Variants in UBA3 observed in about 807,000 individuals in gnomAD.
The protein encoded by UBA3 is ubiquitin like modifier activating enzyme 3.
UBA3 carries 26 observed loss-of-function variants against 73.5 expected under a neutral mutation model. The observed-to-expected ratio is 0.35, with a 90% CI of 0.26 to 0.49. The LOEUF (loss-of-function observed/expected upper bound fraction) is 0.49, where lower values mean the gene tolerates loss of function less well. UBA3 is among the 20% of genes least tolerant of loss of function. The probability of loss-of-function intolerance (pLI) is 0.98; values close to 1 mark genes in which losing one functional copy is unlikely to be tolerated. For missense variants in UBA3, 495 were observed against 555.6 expected, an observed-to-expected ratio of 0.89 and a Z score of 1.10; for synonymous variants, 217 against 191.2, an observed-to-expected ratio of 1.13 and a Z score of -1.11.
chr3:69,058,636 T>C (rs1324170378), intron 11 of UBA3, among the ~76,000 whole-genome samples: 1 of 152,136 alleles, frequency 6.6e-6, no homozygotes, highest in Admixed American at 6.6e-5. Context: ...GAGGAAGTGG[T>C]AGACACAAAC....
At position 69,062,138 on chromosome 3, in the gene UBA3, T is replaced by A; in HGVS notation, c.735A>T (p.Leu245=). 6.2e-7 allele frequency: 1 copy of A among 1,613,802 alleles called. No individual in the cohort carries two copies. The highest frequency in any genetic ancestry group is 8.5e-7 in the Non-Finnish European group (1 of 1,179,790). The change falls in exon 10 of 18, where the codon CTA becomes CTT. Residue 245 remains leucine (L), a synonymous_variant. Coordinates refer to ENST00000361055, the MANE Select transcript of UBA3 (RefSeq NM_003968.4). ...PMCTIASMPR[L]PEHCIEYVRM... ...TTACATACTCAATACAGTGTTCTGG[T>A]AGCCTGGGCATAGATGCAATGGTGC...
intron 11 of UBA3, chr3:69,061,457 A>G: frequency 6.2e-6 from 1 of 162,448 alleles, no homozygotes; most frequent in Non-Finnish European, 1.3e-5. Flanking sequence ...GGCCTCCCGA[A>G]GTGCTAGGAT....
chr3:69,058,805 A>G (rs2107481900), intron 11 of UBA3, among the ~76,000 whole-genome samples: 1 of 152,366 alleles, frequency 6.6e-6, no homozygotes. Flanking sequence ...AACAAGGGGA[A>G]AAATCATAGA....
chr3:69,064,491 G>A (rs2092050727), intron 6 of UBA3, among the ~76,000 whole-genome samples: 2 of 152,300 alleles, frequency 1.3e-5, no homozygotes, highest in South Asian at 4.1e-4. Context: ...AAGGAAAGAT[G>A]CACATTATAG....
chr3:69,055,234 CAT>C lies in UBA3; in HGVS notation c.*201_*202del. ...ATCTCTCTCTCCAGGTATCATTTCTCATATTATTAATGAAAATGCTTACAAGC... is the reference window on the plus strand; with the variant it reads ...ATCTCTCTCTCCAGGTATCATTTCTCATTATTAATGAAAATGCTTACAAGC... On this transcript the variant is annotated 3_prime_UTR_variant, in exon 18 of 18. Transcript: ENST00000361055. 2.7e-6 allele frequency: 1 copy of C among 374,908 alleles called. No homozygotes were observed. The highest frequency in any genetic ancestry group is 4.8e-6 in the Non-Finnish European group (1 of 206,826). The allele number at this position is 374,908 out of a possible 1,614,324, so 23.2% of individuals were successfully genotyped here.
At chr3:69,078,322 CA>C (rs1350109831) in intron 2 of UBA3, among the ~76,000 whole-genome samples, 2 of 152,122 alleles carry the variant, frequency 1.3e-5, no homozygotes, top group Non-Finnish European at 2.9e-5. Flanking sequence ...TGAGATACAA[CA>C]GAGAAAAAAA....
At chr3:69,058,005 A>G (rs1032777306) in intron 11 of UBA3, among the ~76,000 whole-genome samples, 1 of 136,580 alleles carries the variant, frequency 7.3e-6, no homozygotes, top group Admixed American at 8.9e-5. Context: ...ATCTCGGCTC[A>G]CTGCAAGCTC....
intron 6 of UBA3, among the ~76,000 whole-genome samples, chr3:69,066,324 AG>A (rs2092071200): frequency 6.6e-6 from 1 of 152,084 alleles, no homozygotes; most frequent in African/African-American, 2.4e-5. Flanking sequence ...GTATGATAAA[AG>A]CTCACTGCTT....
At position 69,080,324 on chromosome 3, in the gene UBA3, C is replaced by A. The variant is rs558014218; in HGVS notation, c.20+10G>T. ...CCAGCCCGGCGCGTCTGCAGAGCCC[C>A]GGTACTTACGGCTCCTCGCCATCCG... On this transcript the variant is annotated intron_variant, in intron 1 of 17. Transcript: ENST00000361055. 1.5e-5 allele frequency: 24 copies of A among 1,603,748 alleles called. No individual in the cohort carries two copies. The highest frequency in any genetic ancestry group is 1.9e-5 in the Non-Finnish European group (22 of 1,177,116).
rs114635127 is a variant in UBA3 at position 69,061,821 on chromosome 3, G to A, written c.903C>T (p.Leu301=). ...GACAATTTGCTGACTTACCTTGAGT[G>A]AGCCTATACGTAACACCCCTAATAT... The part of the protein sequence containing the change: ...QYNIRGVTYR[L]TQGVVKRIIP... Residue 301 remains leucine (L), a synonymous_variant, in exon 11 of 18, where the codon CTC becomes CTT. Transcript: ENST00000361055. The A allele has an allele frequency of 6.3e-7, 1 of 1,587,174 alleles. No individual in the cohort carries two copies. The highest frequency in any genetic ancestry group is 1.2e-5 in the South Asian group (1 of 86,200).
intron 4 of UBA3, among the ~76,000 whole-genome samples, chr3:69,073,569 C>A (rs2107498522): frequency 6.6e-6 from 1 of 152,130 alleles, no homozygotes; most frequent in Non-Finnish European, 1.5e-5. Flanking sequence ...TCTTCAGCAT[C>A]TAAAATGGTG....
intron 6 of UBA3, among the ~76,000 whole-genome samples, chr3:69,065,898 T>G (rs1208076674): frequency 6.6e-6 from 1 of 152,198 alleles, no homozygotes; most frequent in African/African-American, 2.4e-5. Context: ...CATGTGCTTT[T>G]CGTCATCCTT....
chr3:69,055,810 A>C (rs369468250), intron 17 of UBA3, 41 bp downstream of exon 17: 3 of 1,569,342 alleles, frequency 1.9e-6, no homozygotes, highest in Non-Finnish European at 2.6e-6. Context: ...AAAAGAGAGA[A>C]AAGAAAGAAA....
In UBA3 at chr3:69,056,731, C is replaced by A. The variant is rs151173720; in HGVS notation, c.1002-38G>T. 2,244 of 1,608,140 alleles carry A rather than the reference C, an allele frequency of 1.4e-3. 32 individuals carry two copies. In the African/African-American group the frequency reaches 0.024, roughly 17 times the overall value. On this transcript the variant is annotated intron_variant, in intron 13 of 17. Coordinates refer to ENST00000361055, the MANE Select transcript of UBA3 (RefSeq NM_003968.4). ...AATGTTCATCTTTATATAATTAAAC[C>A]AAGTCAAAACATAAATTTACATGCA...
rs1336141711 is a variant in UBA3, at chr3:69,062,975, T to C, written c.693+7A>G. 1.9e-6 allele frequency: 3 copies of C among 1,613,084 alleles called. No homozygotes were observed. The highest frequency in any genetic ancestry group is 4.5e-5 in the East Asian group (2 of 44,832). On this transcript the variant is annotated splice_region_variant and intron_variant, in intron 9 of 17. Coordinates refer to ENST00000361055, the MANE Select transcript of UBA3 (RefSeq NM_003968.4). ...TATAAAAGAAATGCAGGTGCTTTTT[T>C]GATTACCTGTGGTGGATAAAGTTCC...
At chr3:69,072,692 T>C (rs714300) in intron 4 of UBA3, among the ~76,000 whole-genome samples, 38,230 of 152,170 alleles carry the variant, frequency 0.25, 5,089 homozygotes, top group East Asian at 0.38. Context: ...TCTCAGACCA[T>C]CTTGTAAGAT....
At chr3:69,058,157 C>G (rs2091991968) in intron 11 of UBA3, among the ~76,000 whole-genome samples, 1 of 152,090 alleles carries the variant, frequency 6.6e-6, no homozygotes, top group South Asian at 2.1e-4. Context: ...GTCTCGATAT[C>G]CTGACCTTGT....
chr3:69,069,328 C>A (rs1322279386), intron 5 of UBA3, among the ~76,000 whole-genome samples: 6 of 151,238 alleles, frequency 4.0e-5, no homozygotes, highest in Admixed American at 4.0e-4. Context: ...TTTTTCTTTT[C>A]TTTTTTTTTG....
intron 5 of UBA3, among the ~76,000 whole-genome samples, chr3:69,070,684 GCT>G (rs1250893592): frequency 6.6e-6 from 1 of 152,026 alleles, no homozygotes; most frequent in African/African-American, 2.4e-5. Context: ...ACAGGGTCTC[GCT>G]CTGTTGCCCA....
Sources: gnomAD v4.1 joint callset for allele counts (sites outside exome capture counted in the v4.1 genomes callset) on GRCh38, gnomAD v4.1.1 for gene constraint, MANE v1.5 for transcripts, NCBI Gene and HGNC (gene_info 2026-07-23, HGNC 2026-07-21) for gene names.